CDH18: variants seen among roughly 807,000 people sequenced by gnomAD.
CDH18 encodes the protein cadherin 18, also known as cadherin-18.
CDH18 carries 31 observed loss-of-function variants against 67.9 expected under a neutral mutation model. The observed-to-expected ratio is 0.46, with a 90% confidence interval of 0.34 to 0.62. The LOEUF (loss-of-function observed/expected upper bound fraction) is 0.62, where lower values mean the gene tolerates loss of function less well. CDH18 is among the 20% of genes least tolerant of loss of function. CDH18 has a pLI of 0.01. For missense variants in CDH18, 890 were observed against 975.5 expected (o/e 0.91, Z 1.17); for synonymous variants, 362 against 347.2 (o/e 1.04, Z -0.48).
intron 2 of CDH18, among the ~76,000 whole-genome samples, chr5:20,004,972 A>G (rs1736772140): frequency 6.6e-6 from 1 of 152,216 alleles, no homozygotes; most frequent in South Asian, 2.1e-4. Flanking sequence ...AATAACAGAA[A>G]AAATAGAAAG....
At chr5:20,021,687 T>TC (rs1435143824) in intron 2 of CDH18, among the ~76,000 whole-genome samples, 3 of 152,316 alleles carry the variant, frequency 2.0e-5, no homozygotes, top group Admixed American at 2.0e-4. Flanking sequence ...ATTGTAAGTT[T>TC]CCTGAGGCCT....
chr5:20,042,827 T>C (rs953129406), intron 2 of CDH18, among the ~76,000 whole-genome samples: 4 of 151,986 alleles, frequency 2.6e-5, no homozygotes, highest in African/African-American at 9.7e-5. Flanking sequence ...CCGGGCGTGC[T>C]GGCGGGCGCC....
At chr5:19,732,462 C>T (rs1767742326) in intron 4 of CDH18, among the ~76,000 whole-genome samples, 1 of 151,882 alleles carries the variant, frequency 6.6e-6, no homozygotes, top group African/African-American at 2.4e-5. Context: ...TATGATTATG[C>T]CACTGCACTC....
At chr5:19,809,335 C>G (rs2149886707) in intron 3 of CDH18, among the ~76,000 whole-genome samples, 1 of 152,100 alleles carries the variant, frequency 6.6e-6, no homozygotes, top group East Asian at 1.9e-4. Context: ...ATTTTTACAC[C>G]TCCTGAAGAC....
chr5:19,721,516 G>A, intron 4 of CDH18, 50 bp from the exon 5 acceptor site: 3 of 1,564,764 alleles, frequency 1.9e-6, no homozygotes, highest in South Asian at 1.2e-5. Context: ...TTTAGCATAT[G>A]ATTAATTTGA....
chr5:19,483,767 T>C (rs1454273291), intron 11 of CDH18, among the ~76,000 whole-genome samples: 1 of 152,016 alleles, frequency 6.6e-6, no homozygotes, highest in African/African-American at 2.4e-5. Flanking sequence ...ACACTAAAGA[T>C]GAAAGAAAAT....
At chr5:19,625,676 C>G (rs922147861) in intron 5 of CDH18, among the ~76,000 whole-genome samples, 10 of 151,968 alleles carry the variant, frequency 6.6e-5, no homozygotes, top group Admixed American at 6.6e-5. Context: ...TTCAAATTTC[C>G]TTTTTTCATA....
Position 20,304,569 on chromosome 5 carries a change from T to C in CDH18, c.-579-49064A>G, listed in dbSNP as rs1736250323. ...ATAAACTGGAGTTTCCAGGGGAGAA[T>C]GAAAATCCAGTCAGGGGGACAGAGC... On this transcript the variant is annotated intron_variant, in intron 1 of 14. Coordinates refer to the CDH18 transcript ENST00000507958. The C allele has an allele frequency of 3.1e-6, 5 of 1,610,954 alleles. No individual in the cohort carries two copies. The African/African-American group carries it at 5.4e-5, about 17-fold the overall frequency.
At chr5:19,568,629 T>C (rs2149920816) in intron 8 of CDH18, among the ~76,000 whole-genome samples, 1 of 152,192 alleles carries the variant, frequency 6.6e-6, no homozygotes, top group South Asian at 2.1e-4. Context: ...TAAAAAGAAA[T>C]GGAAGAGTTT....
chr5:20,562,799 A>T (rs1041538215), intron 1 of CDH18, among the ~76,000 whole-genome samples: 19 of 151,936 alleles, frequency 1.3e-4, no homozygotes, highest in Middle Eastern at 3.2e-3. Flanking sequence ...ATTTAATAGG[A>T]ACAATTAGGT....
intron 1 of CDH18, among the ~76,000 whole-genome samples, chr5:20,555,269 T>C (rs1000317259): frequency 1.3e-5 from 2 of 152,124 alleles, no homozygotes; most frequent in Non-Finnish European, 1.5e-5. Flanking sequence ...GAATGAAATC[T>C]GCCAGTAAAT....
intron 1 of CDH18, among the ~76,000 whole-genome samples, chr5:20,512,965 G>A (rs547322328): frequency 2.8e-4 from 43 of 151,622 alleles, no homozygotes; most frequent in African/African-American, 8.7e-4. Flanking sequence ...ACATGCACTC[G>A]TCAGTCACAA....
At chr5:19,486,486 T>C (rs1740423503) in intron 11 of CDH18, among the ~76,000 whole-genome samples, 2 of 151,992 alleles carry the variant, frequency 1.3e-5, no homozygotes, top group African/African-American at 4.8e-5. Flanking sequence ...TAATGCGATA[T>C]ACAATGGTTA....
intron 2 of CDH18, among the ~76,000 whole-genome samples, chr5:20,098,438 T>C (rs1013608563): frequency 1.3e-5 from 2 of 152,098 alleles, no homozygotes; most frequent in East Asian, 1.9e-4. Flanking sequence ...CTAGAAATTG[T>C]TCATCTTATT....
intron 4 of CDH18, among the ~76,000 whole-genome samples, chr5:19,724,682 A>G (rs1007645233): frequency 6.6e-5 from 10 of 152,176 alleles, no homozygotes; most frequent in Non-Finnish European, 1.3e-4. Flanking sequence ...TGTTACCATT[A>G]CATGCAAATC....
rs898091032 is a variant in CDH18, at chr5:19,949,956, T to A, written c.-257+31104A>T. ...CCAGCCCAAATGCCCATTAATCAAG[T>A]GAATAAAGAAAATATGATATATATA... On this transcript the variant is annotated intron_variant, in intron 2 of 12. Coordinates refer to ENST00000382275, the MANE Select transcript of CDH18 (RefSeq NM_004934.5). Among the ~76,000 whole-genome samples, 6 of 136,072 alleles carry A rather than the reference T, an allele frequency of 4.4e-5. No individual in the cohort carries two copies. In the Admixed American group the frequency reaches 4.5e-4, roughly 10 times the overall value. The allele number at this position is 136,072 out of a possible 152,430, so 89.3% of individuals were successfully genotyped here.
At chr5:20,376,410 C>T (rs1373003637) in intron 1 of CDH18, among the ~76,000 whole-genome samples, 1 of 151,682 alleles carries the variant, frequency 6.6e-6, no homozygotes, top group African/African-American at 2.4e-5. Flanking sequence ...GGTTTTATTT[C>T]AGTTTGAGGA....
In CDH18 at chr5:20,304,882, T is replaced by C. The variant is rs1409368038; in HGVS notation, c.-579-49377A>G. ...TTCAATGTTTGCTAAATATTTCTCA[T>C]AGTCTTTAAAGATAGGTGTCAGATC... is the stretch of plus-strand genomic sequence containing the variant. On this transcript the variant is annotated intron_variant, in intron 1 of 14. Coordinates refer to the CDH18 transcript ENST00000507958. The C allele has an allele frequency of 5.0e-5, 81 of 1,612,132 alleles. No individual in the cohort carries two copies. The South Asian group carries it at 5.8e-4, about 12-fold the overall frequency.
chr5:20,266,615 G>T (rs1745063876), intron 1 of CDH18, among the ~76,000 whole-genome samples: 1 of 100,002 alleles, frequency 1.0e-5, no homozygotes, highest in African/African-American at 4.4e-5. Context: ...TTTTAGTAGA[G>T]ACGGGGTTTC....
Sources: allele counts gnomAD v4.1 joint callset (sites outside exome capture counted in the v4.1 genomes callset), GRCh38; gene constraint gnomAD v4.1.1; transcripts MANE v1.5; gene names NCBI Gene and HGNC (gene_info 2026-07-23, HGNC 2026-07-21).